The following AKR7A2 variants were observed in gnomAD, a reference collection of about 807,000 sequenced individuals.
AKR7A2 encodes aldo-keto reductase family 7 member A2, also known as aflatoxin B1 aldehyde reductase member 2.
In AKR7A2, 29 loss-of-function variants were observed where a neutral mutation model predicts 37.3. That is an observed-to-expected ratio of 0.78 (90% CI 0.58 to 1.06). The LOEUF is 1.06. Among genes scored for constraint, AKR7A2 ranks in the 50% least tolerant of loss-of-function variants. The pLI, the probability that AKR7A2 is intolerant of heterozygous loss-of-function variation, is 0.00. For synonymous variants in AKR7A2, 228 were observed against 217.8 expected (o/e 1.05, Z -0.41); for missense variants, 529 against 497.9 (o/e 1.06, Z -0.59).
intron 5 of AKR7A2, among the ~76,000 whole-genome samples, chr1:19,306,404 C>A (rs1264662259): frequency 6.6e-6 from 1 of 152,158 alleles, no homozygotes; most frequent in Admixed American, 6.6e-5. Flanking sequence ...GACACGAAGG[C>A]TGCTCAGATG....
At chr1:19,311,131 G>C (rs1285466516) in intron 1 of AKR7A2, among the ~76,000 whole-genome samples, 1 of 152,158 alleles carries the variant, frequency 6.6e-6, no homozygotes, top group East Asian at 1.9e-4. Context: ...GCCTTCCCTA[G>C]TGCCTCTCCC....
At position 19,304,391 on chromosome 1, in the gene AKR7A2, A is replaced by G. The variant is rs933477685; in HGVS notation, c.919-5T>C. On this transcript the variant is annotated splice_region_variant and splice_polypyrimidine_tract_variant and intron_variant, in intron 6 of 6. Transcript: ENST00000235835. ...GACCGCGTCCCCGTGGGCACCCTGCAAGGGAGACGGCCAGACTTCAACCCT... is the reference window on the plus strand; with the variant it reads ...GACCGCGTCCCCGTGGGCACCCTGCGAGGGAGACGGCCAGACTTCAACCCT... 2 of 1,613,912 alleles carry G rather than the reference A, an allele frequency of 1.2e-6. No homozygotes were observed. Among genetic ancestry groups the G allele is most frequent in the East Asian group, 4.5e-5 (2 of 44,872 alleles).
intron 1 of AKR7A2, among the ~76,000 whole-genome samples, chr1:19,310,478 A>G (rs2093770569): frequency 6.6e-6 from 1 of 152,134 alleles, no homozygotes; most frequent in Non-Finnish European, 1.5e-5. Context: ...TGGGCAGATC[A>G]CTTGAGGTCA....
chr1:19,306,179 G>A, intron 5 of AKR7A2, 32 bp from the exon 6 acceptor site: 2 of 1,614,074 alleles, frequency 1.2e-6, no homozygotes, highest in South Asian at 1.1e-5. Flanking sequence ...ACAGGGGTCA[G>A]TACCATGGGG....
intron 2 of AKR7A2, 35 bp from the exon 3 acceptor site, chr1:19,308,297 A>G: frequency 6.2e-7 from 1 of 1,613,860 alleles, no homozygotes; most frequent in Non-Finnish European, 8.5e-7. Context: ...AACGCAGTGT[A>G]GCCCAGACCA....
intron 1 of AKR7A2, 69 bp downstream of exon 1, chr1:19,311,758 G>A: frequency 1.3e-6 from 2 of 1,593,784 alleles, no homozygotes; most frequent in East Asian, 4.5e-5. Context: ...GGCCCGAGCG[G>A]GGTGGTGCAC....
chr1:19,306,175 G>C, intron 5 of AKR7A2, 28 bp from the exon 6 acceptor site: 1 of 1,614,138 alleles, frequency 6.2e-7, no homozygotes. Flanking sequence ...TAGCACAGGG[G>C]TCAGTACCAT....
rs748089759 is a variant in AKR7A2 at position 19,307,011 on chromosome 1, T to C, written c.779A>G (p.Tyr260Cys). Residue 260 changes from tyrosine to cysteine, a missense_variant, in exon 5 of 7, where the codon TAC becomes TGC. Physicochemically the swap from Tyr to Cys is radical, Grantham distance 194. Coordinates refer to ENST00000235835, the MANE Select transcript of AKR7A2 (RefSeq NM_003689.4). ...CCCACCCCCGGCTCACCGATTCCTG[T>C]AGGTCTCAGCCCAGCTATTCCCAAA... ...RFFGNSWAET[Y>C]RNRFWKEHHF... 4 of 1,614,108 alleles carry C rather than the reference T, an allele frequency of 2.5e-6. No homozygotes were observed. The highest frequency in any genetic ancestry group is 3.3e-5 in the Admixed American group (2 of 60,032).
Position 19,306,142 on chromosome 1 carries a change from C to G in AKR7A2, c.794G>C (p.Trp265Ser), listed in dbSNP as rs2093761310. The stretch of plus-strand genomic sequence containing the variant: ...AATGGCCTCGAAGTGGTGCTCCTTC[C>G]AGAAGCTGTGCAGAGGGGATGTTAG... ...SWAETYRNRFWKEHHFEAIAL... is the reference protein window; with the variant it reads ...SWAETYRNRFSKEHHFEAIAL... Residue 265 changes from tryptophan (W) to serine (S), a missense_variant, in exon 6 of 7, where the codon TGG (tryptophan) becomes TCG (serine). Trp to Ser is a radical substitution (Grantham distance 177). Transcript: ENST00000235835. The G allele has an allele frequency of 1.2e-6, 2 of 1,614,084 alleles. No individual in the cohort carries two copies. Among genetic ancestry groups the G allele is most frequent in the African/African-American group, 2.7e-5 (2 of 74,934 alleles).
intron 6 of AKR7A2, among the ~76,000 whole-genome samples, chr1:19,304,909 C>T (rs961301624): frequency 1.3e-5 from 2 of 151,878 alleles, no homozygotes; most frequent in East Asian, 3.9e-4. Context: ...GCTGTTCTAC[C>T]GCCTGGGTAA....
At chr1:19,309,106 A>G (rs2093767648) in intron 1 of AKR7A2, among the ~76,000 whole-genome samples, 1 of 152,242 alleles carries the variant, frequency 6.6e-6, no homozygotes, top group South Asian at 2.1e-4. Flanking sequence ...AGCAGGAAGT[A>G]CACTCCAGAG....
intron 1 of AKR7A2, among the ~76,000 whole-genome samples, chr1:19,310,497 A>G (rs2002846): frequency 0.41 from 62,748 of 151,868 alleles, 13,116 homozygotes; most frequent in South Asian, 0.58. Context: ...CAGGAGTTGA[A>G]GACCAGCCTG....
chr1:19,311,843 G>T lies in AKR7A2; in HGVS notation c.282C>A (p.Gly94=). ...TACTGTTACCTCTGCAGTCGCCACC[G>T]CCCAGCCCGAGCCCCAGGCCGCCCA... The part of the protein sequence containing the change: ...TILGGLGLGL[G]GGDCRVKIAT... The change falls in exon 1 of 7, where the codon GGC becomes GGA. Residue 94 remains glycine (G), a synonymous_variant. Transcript: ENST00000235835. 6.2e-7 allele frequency: 1 copy of T among 1,610,178 alleles called. No individual in the cohort carries two copies.
chr1:19,304,444 A>G, intron 6 of AKR7A2, 58 bp from the exon 7 acceptor site: 1 of 1,613,564 alleles, frequency 6.2e-7, no homozygotes, highest in Non-Finnish European at 8.5e-7. Context: ...CTCCACTCAC[A>G]GCCGTCCCAG....
chr1:19,311,230 G>A (rs962373649), intron 1 of AKR7A2, among the ~76,000 whole-genome samples: 3 of 152,146 alleles, frequency 2.0e-5, no homozygotes, highest in East Asian at 1.9e-4. Context: ...AACTCCCTGT[G>A]GAGGGCTGGA....
Position 19,307,722 on chromosome 1 carries a change from T to G in AKR7A2, c.592-312A>C, listed in dbSNP as rs183312919. Reference sequence around the variant, plus strand: ...TTAAAAAAATAGACAAGGAAGGCAGTTAATTACAATAAAGTTAGGTTCTAC... The same window carrying G: ...TTAAAAAAATAGACAAGGAAGGCAGGTAATTACAATAAAGTTAGGTTCTAC... On this transcript the variant is annotated intron_variant, in intron 3 of 6. Transcript: ENST00000235835. The G allele has an allele frequency of 4.2e-4, 221 of 520,324 alleles. 1 individual carries two copies. Among genetic ancestry groups the G allele is most frequent in the African/African-American group, 4.0e-3 (209 of 52,452 alleles). 32.2% of individuals were successfully genotyped at this position (520,324 alleles called of 1,614,324 possible).
chr1:19,306,862 G>T, intron 5 of AKR7A2, 140 bp downstream of exon 5: 1 of 767,792 alleles, frequency 1.3e-6, no homozygotes, highest in Non-Finnish European at 2.3e-6. Context: ...CCCACAGAGG[G>T]CTTGGGAATT....
rs74734802 is a variant in AKR7A2 at position 19,311,280 on chromosome 1, T to C, written c.298+547A>G. Among the ~76,000 whole-genome samples, 534 of 152,224 alleles carry C rather than the reference T, an allele frequency of 3.5e-3. 1 individual carries two copies. The highest frequency in any genetic ancestry group is 0.012 in the African/African-American group (494 of 41,536). On this transcript the variant is annotated intron_variant, in intron 1 of 6. Transcript: ENST00000235835. ...TATGGCCCCAAGTCAAAGCCTGGCA[T>C]AGAGTGGATAGAAAGTCCCTACACC...
At chr1:19,307,630 T>C in intron 3 of AKR7A2, 1 of 611,650 alleles carries the variant, frequency 1.6e-6, no homozygotes, top group Non-Finnish European at 2.9e-6. Context: ...AACTCCATGC[T>C]GGACACTGGT....
Sources: allele counts gnomAD v4.1 joint callset (sites outside exome capture counted in the v4.1 genomes callset), GRCh38; gene constraint gnomAD v4.1.1; transcripts MANE v1.5; gene names NCBI Gene and HGNC (gene_info 2026-07-23, HGNC 2026-07-21).